The following LRIT2 variants were observed in gnomAD, a reference collection of about 807,000 sequenced individuals.
LRIT2 encodes the protein leucine rich repeat, Ig-like and transmembrane domains 2, also known as leucine-rich repeat, immunoglobulin-like domain and transmembrane domain-containing protein 2.
LRIT2 carries 23 observed loss-of-function variants against 22.4 expected under a neutral mutation model. The observed-to-expected ratio is 1.03, with a 90% CI of 0.74 to 1.45. The LOEUF (loss-of-function observed/expected upper bound fraction) is 1.45. Ranked by LOEUF, LRIT2 falls within the 40% of genes most tolerant of loss-of-function variation. The pLI, the probability that LRIT2 is intolerant of heterozygous loss-of-function variation, is 0.00. For synonymous variants in LRIT2, 291 were observed against 267.1 expected, an observed-to-expected ratio of 1.09 and a Z score of -0.87; for missense variants, 784 against 665.6, an observed-to-expected ratio of 1.18 and a Z score of -1.96.
At chr10:84,222,781 T>A in intron 2 of LRIT2, 101 bp from the exon 3 acceptor site, 2 of 1,413,570 alleles carry the variant, frequency 1.4e-6, no homozygotes, top group Non-Finnish European at 2.0e-6. Flanking sequence ...TGTTTTTTGT[T>A]ATTGTTGTTG....
rs1842493696 is a variant in LRIT2, at chr10:84,220,697, C to A, written c.*1223G>T. 6.6e-6 allele frequency: 1 copy of A among 152,176 alleles called. No homozygotes were observed. Among genetic ancestry groups the A allele is most frequent in the African/African-American group, 2.4e-5 (1 of 41,434 alleles). The allele number at this position is 152,176 out of a possible 1,614,324, so 9.4% of individuals were successfully genotyped here. On this transcript the variant is annotated 3_prime_UTR_variant, in exon 3 of 3. Transcript: ENST00000372113. ...AAGGTCAGTCTTTGCCTGCAAATGT[C>A]TCACAACCAATGGACACAATGTGCA...
chr10:84,225,002 A>G lies in LRIT2; in HGVS notation c.223T>C (p.Phe75Leu). Residue 75 changes from phenylalanine to leucine, a missense_variant, in exon 2 of 3, where the codon TTC becomes CTC. By Grantham distance (22) the Phe-to-Leu change is conservative. Coordinates refer to ENST00000372113, the MANE Select transcript of LRIT2 (RefSeq NM_001017924.5). ...TATTCCAAGGTGCTCATGTTGATGAAAGACCCTTGGGGCATCTCAAATAAG... is the reference window on the plus strand; with the variant it reads ...TATTCCAAGGTGCTCATGTTGATGAGAGACCCTTGGGGCATCTCAAATAAG... ...SPLFEMPQGS[F>L]INMSTLEYLW... 6.2e-7 allele frequency: 1 copy of G among 1,614,078 alleles called. No homozygotes were observed. The highest frequency in any genetic ancestry group is 8.5e-7 in the Non-Finnish European group (1 of 1,180,024).
Position 84,222,973 on chromosome 10 carries a change from CA to C in LRIT2, c.893-294del, listed in dbSNP as rs956273482. ...ACAATTGATATGGGACCTGGCTCTT[CA>C]ATCTATGAAGACCATACTCTTTCAA... is the stretch of plus-strand genomic sequence containing the variant. On this transcript the variant is annotated intron_variant, in intron 2 of 2. Coordinates refer to ENST00000372113, the MANE Select transcript of LRIT2 (RefSeq NM_001017924.5). The C allele has an allele frequency of 5.3e-5, 35 of 660,928 alleles. No homozygotes were observed. In the African/African-American group the frequency reaches 5.7e-4, roughly 11 times the overall value. 40.9% of individuals were successfully genotyped at this position (660,928 alleles called of 1,614,324 possible).
In LRIT2 at chr10:84,224,879, A is replaced by G; in HGVS notation, c.346T>C (p.Cys116Arg). ...RELRLEGNKL[C>R]SVPWTAFRAT... The stretch of plus-strand genomic sequence containing the variant: ...CGGAACGCTGTCCATGGTACTGAGC[A>G]GAGCTTGTTCCCCTCCAGTCTCAGC... The change falls in exon 2 of 3, where the codon TGC becomes CGC. Residue 116 changes from cysteine (C) to arginine (R), a missense_variant. By Grantham distance (180) the Cys-to-Arg change is radical. Coordinates refer to ENST00000372113, the MANE Select transcript of LRIT2 (RefSeq NM_001017924.5). 6.2e-7 allele frequency: 1 copy of G among 1,614,206 alleles called. No homozygotes were observed. Among genetic ancestry groups the G allele is most frequent in the East Asian group, 2.2e-5 (1 of 44,876 alleles).
intron 2 of LRIT2, 22 bp from the exon 3 acceptor site, chr10:84,222,702 A>G: frequency 6.2e-7 from 1 of 1,611,668 alleles, no homozygotes; most frequent in Admixed American, 1.7e-5. Context: ...GAAAAACAAA[A>G]CAGCTGTGCA....
At position 84,224,709 on chromosome 10, in the gene LRIT2, C is replaced by A. The variant is rs1564672491; in HGVS notation, c.516G>T (p.Leu172=). Residue 172 remains leucine, a synonymous_variant, in exon 2 of 3, where the codon CTG becomes CTT. Coordinates refer to ENST00000372113, the MANE Select transcript of LRIT2 (RefSeq NM_001017924.5). ...GGCATTTCTGGTAGGCTGGCCAGTT[C>A]AGGAAGACACTCTTGGATACAACTG... ...RLTVVSKSVF[L]NWPAYQKCRQ... 1 of 1,614,162 alleles carries A rather than the reference C, an allele frequency of 6.2e-7. No individual in the cohort carries two copies. Among genetic ancestry groups the A allele is most frequent in the South Asian group, 1.1e-5 (1 of 91,084 alleles).
At position 84,221,996 on chromosome 10, in the gene LRIT2, G is replaced by A; in HGVS notation, c.1577C>T (p.Ala526Val). ...SKDGSFREHPAVCDDGEGHID... is the reference protein window; with the variant it reads ...SKDGSFREHPVVCDDGEGHID... ...GTGCCCTTCACCGTCATCACAGACA[G>A]CTGGATGTTCTCTAAAGGAGCCATC... The change falls in exon 3 of 3, where the codon GCT becomes GTT. Residue 526 changes from alanine to valine, a missense_variant. Transcript: ENST00000372113. 1 of 1,596,024 alleles carries A rather than the reference G, an allele frequency of 6.3e-7. No homozygotes were observed. Among genetic ancestry groups the A allele is most frequent in the South Asian group, 1.1e-5 (1 of 88,358 alleles).
At position 84,221,940 on chromosome 10, in the gene LRIT2, C is replaced by T. The variant is rs753366582; in HGVS notation, c.1633G>A (p.Gly545Arg). The T allele has an allele frequency of 7.2e-6, 11 of 1,528,076 alleles. No individual in the cohort carries two copies. In the Middle Eastern group the frequency reaches 7.1e-4, roughly 98 times the overall value. 94.7% of individuals were successfully genotyped at this position (1,528,076 alleles called of 1,614,324 possible). The stretch of plus-strand genomic sequence containing the variant: ...GTTGTTCAGCTGTTGTCTTCCGTTC[C>T]TCCTTTCTCCTTGTCCCCCTCAGTG... Reference protein sequence around the residue: ...IDTEGDKEKGGTEDNS With the variant: ...IDTEGDKEKGRTEDNS The change falls in exon 3 of 3, where the codon GGA becomes AGA. Residue 545 changes from glycine to arginine, a missense_variant. Coordinates refer to ENST00000372113, the MANE Select transcript of LRIT2 (RefSeq NM_001017924.5).
chr10:84,221,876 G>C lies in LRIT2; in HGVS notation c.*44C>G, dbSNP rs1375710880. 1.3e-6 allele frequency: 2 copies of C among 1,501,818 alleles called. No individual in the cohort carries two copies. The highest frequency in any genetic ancestry group is 1.8e-6 in the Non-Finnish European group (2 of 1,123,496). 93.0% of individuals were successfully genotyped at this position (1,501,818 alleles called of 1,614,324 possible). A position where few individuals can be genotyped will look rare whatever the true frequency, so the allele number is the denominator to read the frequency against. The stretch of plus-strand genomic sequence containing the variant: ...GAGCTGCTGCAGAGGGTTGGTTTCA[G>C]AGGCTTGAAGCCCAAGCCGTTTCCA... On this transcript the variant is annotated 3_prime_UTR_variant, in exon 3 of 3. Coordinates refer to ENST00000372113, the MANE Select transcript of LRIT2 (RefSeq NM_001017924.5).
Position 84,224,521 on chromosome 10 carries a change from A to C in LRIT2, c.704T>G (p.Leu235Arg). 1 of 1,614,208 alleles carries C rather than the reference A, an allele frequency of 6.2e-7. No individual in the cohort carries two copies. Among genetic ancestry groups the C allele is most frequent in the South Asian group, 1.1e-5 (1 of 91,084 alleles). Residue 235 changes from leucine to arginine, a missense_variant, in exon 2 of 3, where the codon CTG (leucine) becomes CGG (arginine). Coordinates refer to ENST00000372113, the MANE Select transcript of LRIT2 (RefSeq NM_001017924.5). ...ATGAAAAAGCTGCCCTGCCTTGGAC[A>C]GAGGGCCCTGACATATCAGGTAGGA... ...VNSYLICQGP[L>R]SKAGQLFHET...
chr10:84,223,726 C>G (rs1842534204), intron 2 of LRIT2, among the ~76,000 whole-genome samples: 1 of 152,138 alleles, frequency 6.6e-6, no homozygotes, highest in South Asian at 2.1e-4. Context: ...TAAAGGTAAT[C>G]CCAGCTGAGG....
intron 1 of LRIT2, 59 bp from the exon 2 acceptor site, chr10:84,225,173 A>C (rs1332809091): frequency 6.8e-7 from 1 of 1,461,234 alleles, no homozygotes; most frequent in Non-Finnish European, 9.3e-7. Context: ...AAGTGGGGTC[A>C]GGCTGATCCT....
Position 84,222,570 on chromosome 10 carries a change from T to C in LRIT2, c.1003A>G (p.Lys335Glu), listed in dbSNP as rs1463027833. The C allele has an allele frequency of 6.2e-7, 1 of 1,614,014 alleles. No individual in the cohort carries two copies. The highest frequency in any genetic ancestry group is 8.5e-7 in the Non-Finnish European group (1 of 1,179,994). Residue 335 changes from lysine to glutamate, a missense_variant, in exon 3 of 3, where the codon AAG (lysine) becomes GAG (glutamate). Transcript: ENST00000372113. ...YTCMASNSIG[K>E]SNLVISLHVQ... is the part of the protein sequence containing the mutation. Reference sequence around the variant, plus strand: ...TGGAGAGAGATTACAAGGTTGCTCTTGCCAATGGAGTTGGAGGCCATGCAG... The same window carrying C: ...TGGAGAGAGATTACAAGGTTGCTCTCGCCAATGGAGTTGGAGGCCATGCAG...
At chr10:84,223,414 T>C (rs1842530475) in intron 2 of LRIT2, among the ~76,000 whole-genome samples, 1 of 151,964 alleles carries the variant, frequency 6.6e-6, no homozygotes, top group African/African-American at 2.4e-5. Flanking sequence ...ATAAATCCTA[T>C]AATTTTCTTT....
rs114905141 is a variant in LRIT2 at position 84,224,432 on chromosome 10, G to A, written c.793C>T (p.Arg265Trp). Reference sequence around the variant, plus strand: ...CGCAGGGTCACATTCTGTCCTGCCCGGATGGTGATATTGGCACTGGGGGTT... The same window carrying A: ...CGCAGGGTCACATTCTGTCCTGCCCAGATGGTGATATTGGCACTGGGGGTT... ...ISTPSANITIRAGQNVTLRCL... is the reference protein window; with the variant it reads ...ISTPSANITIWAGQNVTLRCL... The change falls in exon 2 of 3, where the codon CGG becomes TGG. Residue 265 changes from arginine to tryptophan, a missense_variant. Physicochemically the swap from Arg to Trp is moderately radical, Grantham distance 101. Transcript: ENST00000372113. The A allele has an allele frequency of 6.6e-4, 1,060 of 1,614,236 alleles. 5 individuals are homozygous for A. The African/African-American group carries it at 0.012, about 19-fold the overall frequency.
chr10:84,222,347 A>G lies in LRIT2; in HGVS notation c.1226T>C (p.Val409Ala), dbSNP rs763220279. 6.2e-7 allele frequency: 1 copy of G among 1,614,208 alleles called. No homozygotes were observed. Among genetic ancestry groups the G allele is most frequent in the South Asian group, 1.1e-5 (1 of 91,088 alleles). The part of the protein sequence containing the change: ...ASDEAFRKEV[V>A]HIGPGINTYA... ...AGTATTGATTCCGGGGCCAATGTGA[A>G]CCACCTCCTTCCTGAAGGCTTCATC... The change falls in exon 3 of 3, where the codon GTT becomes GCT. Residue 409 changes from valine to alanine, a missense_variant. Val to Ala is a moderately conservative substitution (Grantham distance 64). Transcript: ENST00000372113.
chr10:84,221,448 T>C lies in LRIT2; in HGVS notation c.*472A>G, dbSNP rs1439531710. 6.6e-6 allele frequency: 1 copy of C among 152,576 alleles called. No individual in the cohort carries two copies. Among genetic ancestry groups the C allele is most frequent in the Non-Finnish European group, 1.5e-5 (1 of 68,320 alleles). 9.5% of individuals were successfully genotyped at this position (152,576 alleles called of 1,614,324 possible). Reference sequence around the variant, plus strand: ...GAAACGATGGAACTGGAACCTCTTTTGAATGGGGCTTCTGCCTCCTGCCAG... The same window carrying C: ...GAAACGATGGAACTGGAACCTCTTTCGAATGGGGCTTCTGCCTCCTGCCAG... On this transcript the variant is annotated 3_prime_UTR_variant, in exon 3 of 3. Coordinates refer to ENST00000372113, the MANE Select transcript of LRIT2 (RefSeq NM_001017924.5).
rs1283105789 is a variant in LRIT2 at position 84,221,564 on chromosome 10, A to G, written c.*356T>C. On this transcript the variant is annotated 3_prime_UTR_variant, in exon 3 of 3. Transcript: ENST00000372113. ...GAAGTCTACCTTCGTTTACAGGATAATATATGTAAAATATTATACGTAGAC... is the reference window on the plus strand; with the variant it reads ...GAAGTCTACCTTCGTTTACAGGATAGTATATGTAAAATATTATACGTAGAC... The G allele has an allele frequency of 6.1e-6, 1 of 163,680 alleles. No homozygotes were observed. The highest frequency in any genetic ancestry group is 1.3e-5 in the Non-Finnish European group (1 of 76,042). The allele number at this position is 163,680 out of a possible 1,614,324, so 10.1% of individuals were successfully genotyped here.
At position 84,222,624 on chromosome 10, in the gene LRIT2, C is replaced by A; in HGVS notation, c.949G>T (p.Ala317Ser). ...TALSELAIPAAHLVDSGNYTC... is the reference protein window; with the variant it reads ...TALSELAIPASHLVDSGNYTC... Reference sequence around the variant, plus strand: ...TAATTACCACTGTCTACCAGGTGGGCAGCAGGTATGGCCAGCTCTGACAGA... The same window carrying A: ...TAATTACCACTGTCTACCAGGTGGGAAGCAGGTATGGCCAGCTCTGACAGA... Residue 317 changes from alanine (A) to serine (S), a missense_variant, in exon 3 of 3, where the codon GCC becomes TCC. Transcript: ENST00000372113. 6.2e-7 allele frequency: 1 copy of A among 1,614,100 alleles called. No individual in the cohort carries two copies. Among genetic ancestry groups the A allele is most frequent in the African/African-American group, 1.3e-5 (1 of 75,016 alleles).
Sources: gnomAD v4.1 joint callset for allele counts (sites outside exome capture counted in the v4.1 genomes callset) on GRCh38, gnomAD v4.1.1 for gene constraint, MANE v1.5 for transcripts, NCBI Gene and HGNC (gene_info 2026-07-23, HGNC 2026-07-21) for gene names.